Variants in MARS1 observed in about 807,000 individuals in gnomAD.
The protein encoded by MARS1 is methionine--tRNA ligase, cytoplasmic.
MARS1 carries 80 observed loss-of-function variants against 119.5 expected under a neutral mutation model. The observed-to-expected ratio is 0.67, with a 90% confidence interval of 0.56 to 0.81. The LOEUF (loss-of-function observed/expected upper bound fraction) is 0.81, where lower values mean the gene tolerates loss of function less well. Ranked by LOEUF, MARS1 falls within the 30% of genes least tolerant of loss-of-function variation. MARS1 has a pLI of 0.00. For synonymous variants in MARS1, 418 were observed against 433.4 expected (o/e 0.96, Z 0.44); for missense variants, 945 against 1,116.5 (o/e 0.85, Z 2.19).
In MARS1 at chr12:57,511,880, T is replaced by G. The variant is rs1333118087; in HGVS notation, c.1539+12T>G. On this transcript the variant is annotated intron_variant, in intron 12 of 20. Coordinates refer to ENST00000262027, the MANE Select transcript of MARS1 (RefSeq NM_004990.4). ...GTTTTGAAGACAAGGTAAAAACCCT[T>G]TTTTATTCATATCATTCAGCCTTAG... 5 of 1,613,036 alleles carry G rather than the reference T, an allele frequency of 3.1e-6. No homozygotes were observed. The highest frequency in any genetic ancestry group is 3.3e-4 in the Middle Eastern group (2 of 6,084).
chr12:57,495,324 G>T (rs1034178614), intron 7 of MARS1, among the ~76,000 whole-genome samples: 1 of 151,838 alleles, frequency 6.6e-6, no homozygotes, highest in Non-Finnish European at 1.5e-5. Flanking sequence ...TCCCGGATGG[G>T]GTGGCGGTCG....
intron 14 of MARS1, 91 bp from the exon 15 acceptor site, chr12:57,512,660 T>G: frequency 2.8e-6 from 3 of 1,070,732 alleles, no homozygotes; most frequent in Non-Finnish European, 4.2e-6. Context: ...ATAGTTGAGG[T>G]TAGAAAGAGG....
intron 11 of MARS1, among the ~76,000 whole-genome samples, 189 bp downstream of exon 11, chr12:57,504,488 G>A (rs750037902): frequency 3.9e-5 from 6 of 152,120 alleles, no homozygotes; most frequent in African/African-American, 1.4e-4. Context: ...CTTGCGAGAG[G>A]TATTTACTAC....
chr12:57,495,949 A>G (rs1218671683), intron 7 of MARS1, among the ~76,000 whole-genome samples: 2 of 152,256 alleles, frequency 1.3e-5, no homozygotes, highest in African/African-American at 4.8e-5. Context: ...AGATGGCGGC[A>G]GTACAGTCCG....
At chr12:57,493,522 TATATTATAATATATA>T (rs1876207147) in intron 7 of MARS1, among the ~76,000 whole-genome samples, 3 of 9,746 alleles carry the variant, frequency 3.1e-4, no homozygotes, top group Middle Eastern at 0.083. Flanking sequence ...TAATATATAA[TATATTATAATATATA>T]ATATATTATA....
At chr12:57,494,812 G>A (rs145473513) in intron 7 of MARS1, among the ~76,000 whole-genome samples, 27,495 of 151,736 alleles carry the variant, frequency 0.18, 2,750 homozygotes, top group East Asian at 0.29. Context: ...TTCAGAGAGC[G>A]CAGGGTTGGG....
intron 7 of MARS1, among the ~76,000 whole-genome samples, chr12:57,493,652 C>T (rs57329666): frequency 9.0e-4 from 1 of 1,106 alleles, no homozygotes; most frequent in African/African-American, 9.1e-3. Context: ...ATATAATATA[C>T]AATATATATT....
chr12:57,493,776 T>TACATATTATATATTATA (rs1876343741), intron 7 of MARS1, among the ~76,000 whole-genome samples: 1 of 700 alleles, frequency 1.4e-3, no homozygotes. Flanking sequence ...TTATATATAA[T>TACATATTATATATTATA]ATATATTATA....
chr12:57,510,045 T>G (rs1211373731), intron 11 of MARS1, among the ~76,000 whole-genome samples: 1 of 151,570 alleles, frequency 6.6e-6, no homozygotes, highest in Non-Finnish European at 1.5e-5. Context: ...AGGGTCTCAC[T>G]CTGTCACCCA....
Position 57,502,527 on chromosome 12 carries a change from G to A in MARS1, c.1294-1698G>A, listed in dbSNP as rs932587949. Among the ~76,000 whole-genome samples the A allele has an allele frequency of 1.9e-4, 29 of 151,530 alleles. 1 individual carries two copies. Among genetic ancestry groups the A allele is most frequent in the African/African-American group, 4.6e-4 (19 of 41,300 alleles). Reference sequence around the variant, plus strand: ...TTCAGACCAGTCTGACCAACATGGCGAAACCCCGCCTCTACTAAAAATACA... The same window carrying A: ...TTCAGACCAGTCTGACCAACATGGCAAAACCCCGCCTCTACTAAAAATACA... On this transcript the variant is annotated intron_variant, in intron 10 of 20. Coordinates refer to ENST00000262027, the MANE Select transcript of MARS1 (RefSeq NM_004990.4).
At chr12:57,493,474 T>C (rs1594812017) in intron 7 of MARS1, among the ~76,000 whole-genome samples, 2 of 840 alleles carry the variant, frequency 2.4e-3, no homozygotes. Context: ...ATATAATATA[T>C]AATATATAAT....
intron 10 of MARS1, 170 bp from the exon 11 acceptor site, chr12:57,504,055 A>G: frequency 1.7e-6 from 1 of 602,532 alleles, no homozygotes; most frequent in Non-Finnish European, 3.0e-6. Context: ...TACTGAGAAG[A>G]TTTGAGTCTC....
intron 11 of MARS1, among the ~76,000 whole-genome samples, chr12:57,509,735 C>T (rs1168325057): frequency 2.0e-5 from 3 of 152,096 alleles, no homozygotes; most frequent in Non-Finnish European, 4.4e-5. Flanking sequence ...TAAGTTCACA[C>T]TGACACCTGC....
At chr12:57,495,287 G>A (rs1473594245) in intron 7 of MARS1, among the ~76,000 whole-genome samples, 9 of 151,254 alleles carry the variant, frequency 6.0e-5, no homozygotes, top group South Asian at 2.1e-4. Flanking sequence ...TGGATGGGGC[G>A]GCTGCCGGGC....
chr12:57,488,580 C>G (rs1299810346), intron 1 of MARS1: 2 of 1,550,862 alleles, frequency 1.3e-6, no homozygotes, highest in African/African-American at 2.7e-5. Flanking sequence ...TCTCTCCCCT[C>G]CTAACACACA....
chr12:57,490,734 T>C, intron 7 of MARS1, 90 bp downstream of exon 7: 2 of 963,780 alleles, frequency 2.1e-6, no homozygotes, highest in Non-Finnish European at 3.3e-6. Context: ...TCCCGTTTGC[T>C]GATCTCTCTT....
At chr12:57,495,537 G>T (rs1876571355) in intron 7 of MARS1, among the ~76,000 whole-genome samples, 1 of 151,106 alleles carries the variant, frequency 6.6e-6, no homozygotes, top group Admixed American at 6.6e-5. Flanking sequence ...AGGCAGAGGG[G>T]CTCCTCACAT....
At chr12:57,500,589 G>T in intron 10 of MARS1, 67 bp downstream of exon 10, 1 of 1,467,902 alleles carries the variant, frequency 6.8e-7, no homozygotes, top group Non-Finnish European at 9.4e-7. Context: ...CGCCCTTCCT[G>T]TCCCATTTAG....
rs1334339002 is a variant in MARS1, at chr12:57,510,688, T to C, written c.1369-1010T>C. 2.0e-5 allele frequency among the ~76,000 whole-genome samples: 3 copies of C among 150,968 alleles called. No homozygotes were observed. The East Asian group carries it at 5.8e-4, about 29-fold the overall frequency. On this transcript the variant is annotated intron_variant, in intron 11 of 20. Transcript: ENST00000262027. ...GTTCATGCCTGTAATTCCAGCACTT[T>C]GGGAGGCTGAGGCAGGAGGATCGCT...
Sources: gnomAD v4.1 joint callset for allele counts (sites outside exome capture counted in the v4.1 genomes callset) on GRCh38, gnomAD v4.1.1 for gene constraint, MANE v1.5 for transcripts, NCBI Gene and HGNC (gene_info 2026-07-23, HGNC 2026-07-21) for gene names.